The following SNTB2 variants were observed in gnomAD, a reference collection of about 807,000 sequenced individuals.
SNTB2 encodes the protein beta-2-syntrophin.
In SNTB2, 34 loss-of-function variants were observed where a neutral mutation model predicts 46.2. The ratio of observed to expected loss-of-function variants is 0.74; its 90% CI spans 0.56 to 0.98. The LOEUF (loss-of-function observed/expected upper bound fraction) is 0.98. SNTB2 is among the 50% of genes least tolerant of loss of function. The pLI, the probability that SNTB2 is intolerant of heterozygous loss-of-function variation, is 0.00. For missense variants in SNTB2, 603 were observed against 731.4 expected, an observed-to-expected ratio of 0.82 and a Z score of 2.02; for synonymous variants, 290 against 312.6, an observed-to-expected ratio of 0.93 and a Z score of 0.76.
chr16:69,217,034 T>C (rs1180469558), intron 1 of SNTB2, among the ~76,000 whole-genome samples: 1 of 152,200 alleles, frequency 6.6e-6, no homozygotes, highest in Non-Finnish European at 1.5e-5. Flanking sequence ...ATCATTTTTT[T>C]TTTAAAGTCT....
intron 2 of SNTB2, among the ~76,000 whole-genome samples, chr16:69,251,412 A>G (rs917797267): frequency 7.3e-6 from 1 of 137,768 alleles, no homozygotes; most frequent in Non-Finnish European, 1.5e-5. Flanking sequence ...AAACATTTTC[A>G]TTTCTGTTGG....
At chr16:69,202,846 G>A (rs918991432) in intron 1 of SNTB2, among the ~76,000 whole-genome samples, 6 of 152,006 alleles carry the variant, frequency 3.9e-5, no homozygotes, top group Non-Finnish European at 8.8e-5. Context: ...AAAGTATTGG[G>A]ATTATAGGCG....
At position 69,301,301 on chromosome 16, in the gene SNTB2, G is replaced by T; in HGVS notation, c.*377G>T. On this transcript the variant is annotated 3_prime_UTR_variant, in exon 7 of 7. Transcript: ENST00000336278. ...TTGTTTTCTTTTTCTTCTCCCTGTA[G>T]GATTTGTGTTGTGCTTAGCCTTGAT... The T allele has an allele frequency of 5.1e-6, 1 of 195,546 alleles. No homozygotes were observed. 12.1% of individuals were successfully genotyped at this position (195,546 alleles called of 1,614,324 possible).
At chr16:69,208,330 C>T (rs541923528) in intron 1 of SNTB2, among the ~76,000 whole-genome samples, 3 of 150,456 alleles carry the variant, frequency 2.0e-5, no homozygotes, top group Non-Finnish European at 4.4e-5. Flanking sequence ...CTCTGGAACC[C>T]AGGAGGCGGA....
chr16:69,264,409 T>C (rs1050574386), intron 3 of SNTB2, among the ~76,000 whole-genome samples: 1 of 152,182 alleles, frequency 6.6e-6, no homozygotes, highest in African/African-American at 2.4e-5. Flanking sequence ...ATGGCAAAGT[T>C]GTAAAGGTTA....
intron 1 of SNTB2, among the ~76,000 whole-genome samples, chr16:69,231,448 G>C (rs1052896518): frequency 6.6e-6 from 1 of 151,934 alleles, no homozygotes; most frequent in African/African-American, 2.4e-5. Context: ...AATTAGCTGG[G>C]CATGGTGGCG....
rs574041852 is a variant in SNTB2 at position 69,210,354 on chromosome 16, C to T, written c.580+22608C>T. Among the ~76,000 whole-genome samples the T allele has an allele frequency of 1.3e-3, 193 of 150,758 alleles. 2 individuals are homozygous for T. Among genetic ancestry groups the T allele is most frequent in the African/African-American group, 4.4e-3 (182 of 41,022 alleles). The stretch of plus-strand genomic sequence containing the variant: ...CCAGGTTCAAGCTATTCTCCTGTCT[C>T]GGCCTCCCAAGTAGCTGGGATTACA... On this transcript the variant is annotated intron_variant, in intron 1 of 6. Coordinates refer to ENST00000336278, the MANE Select transcript of SNTB2 (RefSeq NM_006750.4).
chr16:69,258,202 G>A (rs1447079259), intron 2 of SNTB2, among the ~76,000 whole-genome samples: 1 of 152,054 alleles, frequency 6.6e-6, no homozygotes, highest in Admixed American at 6.5e-5. Context: ...GTCATTGGCA[G>A]TTTGTCAATT....
chr16:69,193,745 CT>C (rs1964078032), intron 1 of SNTB2, among the ~76,000 whole-genome samples: 2 of 152,146 alleles, frequency 1.3e-5, no homozygotes, highest in African/African-American at 2.4e-5. Flanking sequence ...CCCATTTAAA[CT>C]AGTTCAGATA....
intron 1 of SNTB2, among the ~76,000 whole-genome samples, chr16:69,189,744 C>T (rs1211670832): frequency 2.0e-5 from 3 of 152,172 alleles, no homozygotes; most frequent in African/African-American, 7.2e-5. Context: ...AGCAAGACTC[C>T]ATCTCAAAAA....
At chr16:69,255,706 C>A (rs1309291186) in intron 2 of SNTB2, among the ~76,000 whole-genome samples, 1 of 151,442 alleles carries the variant, frequency 6.6e-6, no homozygotes, top group African/African-American at 2.4e-5. Flanking sequence ...CATGGTGAAT[C>A]CCCCACTCTA....
intron 5 of SNTB2, among the ~76,000 whole-genome samples, chr16:69,289,540 C>T (rs1597202389): frequency 1.3e-5 from 2 of 152,166 alleles, no homozygotes; most frequent in Admixed American, 1.3e-4. Flanking sequence ...GTGATGGATA[C>T]CCTAAATCCC....
At chr16:69,228,475 C>T (rs1257460835) in intron 1 of SNTB2, among the ~76,000 whole-genome samples, 2 of 128,624 alleles carry the variant, frequency 1.6e-5, no homozygotes, top group Non-Finnish European at 3.1e-5. Context: ...CACTGCACTC[C>T]AACCTGGGCA....
chr16:69,234,813 C>T lies in SNTB2; in HGVS notation c.581-10789C>T, dbSNP rs187755419. On this transcript the variant is annotated intron_variant, in intron 1 of 6. Coordinates refer to ENST00000336278, the MANE Select transcript of SNTB2 (RefSeq NM_006750.4). ...CACCTCCCAGGTTCAAGCAATTCTT[C>T]TGCCTCAGCCTCCCAGGTAGCTGGG... is the stretch of plus-strand genomic sequence containing the variant. 2.6e-5 allele frequency among the ~76,000 whole-genome samples: 4 copies of T among 150,974 alleles called. No individual in the cohort carries two copies. The Admixed American group carries it at 2.7e-4, about 10-fold the overall frequency.
At chr16:69,280,360 C>T (rs1965028341) in intron 4 of SNTB2, among the ~76,000 whole-genome samples, 1 of 152,180 alleles carries the variant, frequency 6.6e-6, no homozygotes, top group African/African-American at 2.4e-5. Context: ...ATGGCCCGTT[C>T]TCAATGAGCT....
chr16:69,230,653 G>A (rs915711051), intron 1 of SNTB2, among the ~76,000 whole-genome samples: 6 of 151,534 alleles, frequency 4.0e-5, no homozygotes, highest in Non-Finnish European at 8.8e-5. Flanking sequence ...GAGCCACTGC[G>A]CCTGGCCGGG....
chr16:69,246,928 T>C (rs1005450868), intron 2 of SNTB2, among the ~76,000 whole-genome samples: 33 of 144,550 alleles, frequency 2.3e-4, no homozygotes, highest in African/African-American at 8.3e-4. Context: ...GGGATAGCAT[T>C]GGGAGATATA....
chr16:69,262,560 A>T (rs1964844172), intron 3 of SNTB2, among the ~76,000 whole-genome samples: 1 of 152,022 alleles, frequency 6.6e-6, no homozygotes, highest in Admixed American at 6.6e-5. Context: ...TAATGTTTTG[A>T]TACGTGTATA....
intron 5 of SNTB2, among the ~76,000 whole-genome samples, chr16:69,285,757 C>G (rs1006414927): frequency 1.3e-5 from 2 of 150,768 alleles, no homozygotes; most frequent in Admixed American, 1.3e-4. Flanking sequence ...TCCCAAAGTG[C>G]TGGGATTCCA....
Sources: gnomAD v4.1 joint callset for allele counts (sites outside exome capture counted in the v4.1 genomes callset) on GRCh38, gnomAD v4.1.1 for gene constraint, MANE v1.5 for transcripts, NCBI Gene and HGNC (gene_info 2026-07-23, HGNC 2026-07-21) for gene names.